The following SGCZ variants were observed in gnomAD, a reference collection of about 807,000 sequenced individuals.
SGCZ encodes the protein zeta-sarcoglycan.
Under a neutral mutation model 41.3 loss-of-function variants are expected in SGCZ, and 40 were observed. The observed-to-expected ratio is 0.97, with a 90% confidence interval of 0.75 to 1.26. SGCZ has a LOEUF of 1.26. SGCZ is among the 50% of genes most tolerant of loss of function. SGCZ has a pLI of 0.00. For synonymous variants in SGCZ, 206 were observed against 137.5 expected, an observed-to-expected ratio of 1.50 and a Z score of -3.49; for missense variants, 552 against 369.8, an observed-to-expected ratio of 1.49 and a Z score of -4.04.
intron 1 of SGCZ, among the ~76,000 whole-genome samples, chr8:15,010,653 G>T (rs2127774): frequency 6.6e-6 from 1 of 151,980 alleles, no homozygotes; most frequent in Non-Finnish European, 1.5e-5. Context: ...ATGATGGTTC[G>T]TGTACTGTCA....
rs60737335 is a variant in SGCZ, at chr8:14,862,581, TAC to T, written c.40-307657_40-307656del. Among the ~76,000 whole-genome samples, 7 of 96,952 alleles carry T rather than the reference TAC, an allele frequency of 7.2e-5. No homozygotes were observed. The East Asian group carries it at 1.3e-3, about 19-fold the overall frequency. The allele number at this position is 96,952 out of a possible 152,430, so 63.6% of individuals were successfully genotyped here. A position where few individuals can be genotyped will look rare whatever the true frequency, so the allele number is the denominator to read the frequency against. The stretch of plus-strand genomic sequence containing the variant: ...ATATATATATATATATATATATATA[TAC>T]ACACACAATTGCAAAACATACATTT... On this transcript the variant is annotated intron_variant, in intron 1 of 7. Coordinates refer to ENST00000382080, the MANE Select transcript of SGCZ (RefSeq NM_139167.4).
chr8:14,132,702 G>T (rs1170244940), intron 5 of SGCZ, among the ~76,000 whole-genome samples: 1 of 151,998 alleles, frequency 6.6e-6, no homozygotes, highest in Admixed American at 6.6e-5. Context: ...CATTTATCTT[G>T]TTCCTTTTAG....
intron 1 of SGCZ, among the ~76,000 whole-genome samples, chr8:14,925,640 C>G (rs987666622): frequency 6.6e-6 from 1 of 152,148 alleles, no homozygotes; most frequent in East Asian, 1.9e-4. Context: ...ACCAATCTAA[C>G]GAATCCTTCA....
At chr8:14,651,934 G>A (rs1807412972) in intron 1 of SGCZ, among the ~76,000 whole-genome samples, 1 of 151,708 alleles carries the variant, frequency 6.6e-6, no homozygotes, top group South Asian at 2.1e-4. Flanking sequence ...GCTAAGAATG[G>A]GAAAGTTTAC....
At chr8:14,713,750 T>C (rs927483679) in intron 1 of SGCZ, among the ~76,000 whole-genome samples, 3 of 151,760 alleles carry the variant, frequency 2.0e-5, no homozygotes, top group Non-Finnish European at 4.4e-5. Context: ...TTTCAGCCCA[T>C]TGATTCAATA....
intron 1 of SGCZ, among the ~76,000 whole-genome samples, chr8:14,921,541 TA>T (rs764988002): frequency 0.01 from 1,504 of 143,568 alleles, 23 homozygotes; most frequent in African/African-American, 0.029. Flanking sequence ...AATCCCCATT[TA>T]AAAAAAAAAA....
chr8:14,535,856 A>G (rs1174381657), intron 2 of SGCZ, among the ~76,000 whole-genome samples: 1 of 151,912 alleles, frequency 6.6e-6, no homozygotes, highest in East Asian at 1.9e-4. Flanking sequence ...ATGAAGTAAT[A>G]TTAAAAACCA....
intron 1 of SGCZ, among the ~76,000 whole-genome samples, chr8:14,856,056 T>A (rs1192194426): frequency 6.6e-6 from 1 of 152,212 alleles, no homozygotes; most frequent in African/African-American, 2.4e-5. Context: ...TATAACCCTA[T>A]GACTAATACA....
intron 1 of SGCZ, among the ~76,000 whole-genome samples, chr8:15,163,853 T>A (rs1029812769): frequency 2.0e-5 from 3 of 152,200 alleles, no homozygotes; most frequent in Non-Finnish European, 4.4e-5. Context: ...TACCATGGTG[T>A]CTTTTGGGCT....
chr8:14,679,187 TTGATAA>T lies in SGCZ; in HGVS notation c.40-124267_40-124262del, dbSNP rs1224081959. Among the ~76,000 whole-genome samples the T allele has an allele frequency of 5.9e-5, 9 of 152,150 alleles. No individual in the cohort carries two copies. The East Asian group carries it at 1.3e-3, about 23-fold the overall frequency. ...TACAATTACTTACAATACATAATAC[TTGATAA>T]TGATAAAATGACTTACTGGTTCATA... On this transcript the variant is annotated intron_variant, in intron 1 of 7. Coordinates refer to ENST00000382080, the MANE Select transcript of SGCZ (RefSeq NM_139167.4).
At chr8:14,772,143 G>C (rs1294661326) in intron 1 of SGCZ, among the ~76,000 whole-genome samples, 1 of 152,232 alleles carries the variant, frequency 6.6e-6, no homozygotes, top group African/African-American at 2.4e-5. Flanking sequence ...AATAAGCTTT[G>C]TGTTAGATGG....
chr8:14,344,918 G>C (rs147381803), intron 2 of SGCZ, among the ~76,000 whole-genome samples: 2 of 152,132 alleles, frequency 1.3e-5, no homozygotes, highest in African/African-American at 4.8e-5. Context: ...TCTAATGATA[G>C]TGGATTTCTA....
intron 1 of SGCZ, among the ~76,000 whole-genome samples, chr8:14,931,427 C>T (rs1799920010): frequency 1.3e-5 from 2 of 151,822 alleles, no homozygotes; most frequent in African/African-American, 4.8e-5. Context: ...TACATTGCAC[C>T]TTGGATATAT....
chr8:15,212,070 G>A (rs1489138774), intron 1 of SGCZ, among the ~76,000 whole-genome samples: 1 of 152,078 alleles, frequency 6.6e-6, no homozygotes, highest in Non-Finnish European at 1.5e-5. Context: ...TAGAAAAGAT[G>A]CAAAAATCTT....
chr8:14,917,943 C>T, intron 1 of SGCZ, among the ~76,000 whole-genome samples: 1 of 152,060 alleles, frequency 6.6e-6, no homozygotes, highest in African/African-American at 2.4e-5. Flanking sequence ...TAGTGGTGTT[C>T]TGCAAAATAT....
intron 1 of SGCZ, among the ~76,000 whole-genome samples, chr8:14,749,298 G>C (rs1001118166): frequency 6.6e-6 from 1 of 152,136 alleles, no homozygotes; most frequent in Non-Finnish European, 1.5e-5. Flanking sequence ...AGAGTTCCCT[G>C]CTCTGTTTCC....
intron 1 of SGCZ, among the ~76,000 whole-genome samples, chr8:15,018,316 G>C (rs865784028): frequency 5.9e-5 from 9 of 152,280 alleles, no homozygotes; most frequent in Middle Eastern, 3.4e-3. Context: ...TAGGTGGGAA[G>C]AGATAAAATA....
intron 1 of SGCZ, among the ~76,000 whole-genome samples, chr8:14,778,020 C>G (rs1025002585): frequency 1.3e-5 from 2 of 152,006 alleles, no homozygotes; most frequent in Non-Finnish European, 2.9e-5. Flanking sequence ...ATCTCCCAGA[C>G]TTAAGCGATC....
intron 2 of SGCZ, among the ~76,000 whole-genome samples, chr8:14,452,405 T>C (rs995307501): frequency 6.6e-6 from 1 of 152,080 alleles, no homozygotes; most frequent in Non-Finnish European, 1.5e-5. Context: ...ATACTTGTCC[T>C]AACTCAAAGA....
Sources: allele counts gnomAD v4.1 joint callset (sites outside exome capture counted in the v4.1 genomes callset), GRCh38; gene constraint gnomAD v4.1.1; transcripts MANE v1.5; gene names NCBI Gene and HGNC (gene_info 2026-07-23, HGNC 2026-07-21).